IPO9: variants seen among roughly 807,000 people sequenced by gnomAD.
IPO9 encodes importin 9.
A neutral mutation model predicts 128.6 loss-of-function variants in IPO9; 28 were observed. That is an observed-to-expected ratio of 0.22 (90% CI 0.16 to 0.30). The LOEUF (loss-of-function observed/expected upper bound fraction) is 0.30. IPO9 is among the 10% of genes least tolerant of loss of function. The pLI is 1.00. For synonymous variants in IPO9, 455 were observed against 475.8 expected (o/e 0.96, Z 0.57); for missense variants, 935 against 1,293.9 (o/e 0.72, Z 4.26).
intron 1 of IPO9, among the ~76,000 whole-genome samples, chr1:201,837,993 C>G (rs1262742341): frequency 6.6e-6 from 1 of 152,170 alleles, no homozygotes; most frequent in Non-Finnish European, 1.5e-5. Flanking sequence ...TCGCTTGAAC[C>G]CGGGAGGTGG....
rs372341056 is a variant in IPO9 at position 201,859,005 on chromosome 1, G to C, written c.1468+11G>C. 6.3e-7 allele frequency: 1 copy of C among 1,595,180 alleles called. No homozygotes were observed. Among genetic ancestry groups the C allele is most frequent in the South Asian group, 1.1e-5 (1 of 90,170 alleles). On this transcript the variant is annotated intron_variant, in intron 13 of 23. Transcript: ENST00000361565. ...ACCTCAACCTCTCAGGTATGTTTCA[G>C]CACGTGCCAGGATTCTAGAAACTCT...
rs558107318 is a variant in IPO9, at chr1:201,860,914, C to A, written c.1468+1920C>A. ...CGGGCATGGTGGCTTATGCCTGTAA[C>A]CCCAGCACTTTGGGAGGCTGAGGTG... On this transcript the variant is annotated intron_variant, in intron 13 of 23. Transcript: ENST00000361565. Among the ~76,000 whole-genome samples, 4 of 152,146 alleles carry A rather than the reference C, an allele frequency of 2.6e-5. No individual in the cohort carries two copies. In the East Asian group the frequency reaches 5.8e-4, roughly 22 times the overall value.
chr1:201,858,370 G>A (rs1374966940), intron 11 of IPO9, 77 bp from the exon 12 acceptor site: 7 of 733,310 alleles, frequency 9.5e-6, no homozygotes, highest in Non-Finnish European at 1.5e-5. Flanking sequence ...ACTTCTAACA[G>A]TCATGACTGA....
intron 14 of IPO9, among the ~76,000 whole-genome samples, chr1:201,865,714 G>A (rs183499707): frequency 1.3e-5 from 2 of 152,202 alleles, no homozygotes; most frequent in Admixed American, 1.3e-4. Context: ...TCAAATTTAT[G>A]TCAGACTGTA....
Position 201,863,614 on chromosome 1 carries a change from A to G in IPO9, c.1628+7A>G, listed in dbSNP as rs774233953. On this transcript the variant is annotated splice_region_variant and intron_variant, in intron 14 of 23. Transcript: ENST00000361565. ...CAGTGAGAGCCATCTGGGGGTGAGTATGCTACCCTAGCGTGATAATTAAGG... is the reference window on the plus strand; with the variant it reads ...CAGTGAGAGCCATCTGGGGGTGAGTGTGCTACCCTAGCGTGATAATTAAGG... 6 of 1,577,494 alleles carry G rather than the reference A, an allele frequency of 3.8e-6. No individual in the cohort carries two copies. Among genetic ancestry groups the G allele is most frequent in the Non-Finnish European group, 5.2e-6 (6 of 1,150,676 alleles).
At chr1:201,859,268 A>G (rs1680396211) in intron 13 of IPO9, among the ~76,000 whole-genome samples, 1 of 149,784 alleles carries the variant, frequency 6.7e-6, no homozygotes, top group East Asian at 2.0e-4. Flanking sequence ...CTGGTAGGCC[A>G]GATATTCTTG....
At chr1:201,871,989 C>T (rs988528858) in intron 19 of IPO9, among the ~76,000 whole-genome samples, 25 of 152,000 alleles carry the variant, frequency 1.6e-4, no homozygotes, top group African/African-American at 5.1e-4. Context: ...AATCCCAGCA[C>T]TTTAGGAGGC....
rs773235209 is a variant in IPO9 at position 201,870,623 on chromosome 1, T to G, written c.2174T>G (p.Leu725Arg). The change falls in exon 18 of 24, where the codon CTG becomes CGG. Residue 725 changes from leucine to arginine, a missense_variant. Physicochemically the swap from Leu to Arg is moderately radical, Grantham distance 102 (BLOSUM62 -2). This residue lies in a region of IPO9 where 741 missense variants were observed against 1,019.1 expected (regional missense o/e 0.73). Coordinates refer to ENST00000361565, the MANE Select transcript of IPO9 (RefSeq NM_018085.5). The surrounding 1 kb of genome is among the most constrained non-coding windows in gnomAD (Gnocchi z 4.9). ...TTGCGGGCCTATGTGTCAGTGACCCTGGAACAAGTAGCCCAGTGGCATGAT... is the reference window on the plus strand; with the variant it reads ...TTGCGGGCCTATGTGTCAGTGACCCGGGAACAAGTAGCCCAGTGGCATGAT... ...ECLRAYVSVT[L>R]EQVAQWHDEQ... 2 of 1,614,076 alleles carry G rather than the reference T, an allele frequency of 1.2e-6. No individual in the cohort carries two copies. The highest frequency in any genetic ancestry group is 8.5e-7 in the Non-Finnish European group (1 of 1,180,048).
chr1:201,834,151 T>TA (rs1553288239), intron 1 of IPO9, among the ~76,000 whole-genome samples: 5 of 151,278 alleles, frequency 3.3e-5, no homozygotes, highest in Admixed American at 1.3e-4. Context: ...CTAAATAGGG[T>TA]AAAAAAAATT....
At chr1:201,867,697 T>C (rs1680578897) in intron 15 of IPO9, among the ~76,000 whole-genome samples, 2 of 152,112 alleles carry the variant, frequency 1.3e-5, no homozygotes, top group Admixed American at 1.3e-4. Context: ...AAGTTTTTTT[T>C]TTCCTGTAGT....
chr1:201,863,944 A>G (rs1011355166), intron 14 of IPO9, among the ~76,000 whole-genome samples: 1 of 152,258 alleles, frequency 6.6e-6, no homozygotes, highest in East Asian at 1.9e-4. Flanking sequence ...TAGAAGCAGG[A>G]TTAGAGTCCA....
At chr1:201,874,968 A>G (rs748795160) in intron 22 of IPO9, 32 bp downstream of exon 22, 1 of 1,508,092 alleles carries the variant, frequency 6.6e-7, no homozygotes. Flanking sequence ...CAGCCATGGT[A>G]AATACCTTTT....
chr1:201,847,395 C>T, intron 2 of IPO9, 55 bp downstream of exon 2: 1 of 1,538,474 alleles, frequency 6.5e-7, no homozygotes, highest in Non-Finnish European at 8.9e-7. Flanking sequence ...GGTAATGAAA[C>T]TTTCTTATAG....
rs11450190 is a variant in IPO9, at chr1:201,832,256, CT to C, written c.163+2897del. On this transcript the variant is annotated intron_variant, in intron 1 of 23. Coordinates refer to ENST00000361565, the MANE Select transcript of IPO9 (RefSeq NM_018085.5). The stretch of plus-strand genomic sequence containing the variant: ...CCTTGTTTTCTGATTCTAGGAAACA[CT>C]TTTTTTTTTTTTGAGACCGAGTCTC... Among the ~76,000 whole-genome samples the C allele has an allele frequency of 9.8e-3, 1,411 of 143,446 alleles. 20 individuals carry two copies. The highest frequency in any genetic ancestry group is 0.059 in the East Asian group (287 of 4,828). 94.1% of individuals were successfully genotyped at this position (143,446 alleles called of 152,430 possible). A position where few individuals can be genotyped will look rare whatever the true frequency, so the allele number is the denominator to read the frequency against.
intron 1 of IPO9, among the ~76,000 whole-genome samples, chr1:201,835,810 A>G (rs1184524496): frequency 1.3e-5 from 2 of 152,140 alleles, no homozygotes; most frequent in African/African-American, 4.8e-5. Flanking sequence ...TTTTAAAGAC[A>G]TTGTGTTAAA....
At chr1:201,840,360 C>T (rs1680013867) in intron 1 of IPO9, among the ~76,000 whole-genome samples, 1 of 152,146 alleles carries the variant, frequency 6.6e-6, no homozygotes, top group South Asian at 2.1e-4. Flanking sequence ...TGTGAGCCAC[C>T]ACACCTGGCC....
intron 1 of IPO9, among the ~76,000 whole-genome samples, chr1:201,846,526 C>G (rs1442308817): frequency 6.6e-6 from 1 of 152,078 alleles, no homozygotes; most frequent in East Asian, 1.9e-4. Context: ...TGCCCGCTAC[C>G]ATGCCTGACT....
intron 1 of IPO9, among the ~76,000 whole-genome samples, chr1:201,844,641 A>G (rs1434439537): frequency 1.3e-5 from 2 of 152,258 alleles, no homozygotes; most frequent in Non-Finnish European, 2.9e-5. Flanking sequence ...TGAACTCTGT[A>G]CTGTTCAGCT....
At chr1:201,875,039 A>G in intron 22 of IPO9, 103 bp downstream of exon 22, 1 of 1,340,864 alleles carries the variant, frequency 7.5e-7, no homozygotes, top group Non-Finnish European at 1.1e-6. Context: ...GCCCACAGGG[A>G]CATTTCTTGG....
Sources: allele counts gnomAD v4.1 joint callset (sites outside exome capture counted in the v4.1 genomes callset), GRCh38; gene constraint gnomAD v4.1.1; regional missense constraint gnomAD v4.1.1; non-coding constraint Gnocchi (gnomAD v3.1); transcripts MANE v1.5; gene names NCBI Gene and HGNC (gene_info 2026-07-23, HGNC 2026-07-21).